Variants in PDE4B observed in about 807,000 individuals in gnomAD.
PDE4B encodes 3',5'-cyclic-AMP phosphodiesterase 4B.
Under a neutral mutation model 82.2 loss-of-function variants are expected in PDE4B, and 20 were observed. The ratio of observed to expected loss-of-function variants is 0.24; its 90% CI spans 0.17 to 0.35. PDE4B has a LOEUF of 0.35. Among genes scored for constraint, PDE4B ranks in the 10% least tolerant of loss-of-function variants. The probability of loss-of-function intolerance (pLI) is 1.00; values close to 1 mark genes in which losing one functional copy is unlikely to be tolerated. For synonymous variants in PDE4B, 320 were observed against 318.9 expected, an observed-to-expected ratio of 1.00 and a Z score of -0.04; for missense variants, 655 against 907.2, an observed-to-expected ratio of 0.72 and a Z score of 3.57.
chr1:65,834,339 G>T (rs935325108), intron 1 of PDE4B, among the ~76,000 whole-genome samples: 1 of 152,164 alleles, frequency 6.6e-6, no homozygotes, highest in African/African-American at 2.4e-5. Flanking sequence ...GCCTAAGCAA[G>T]TTTCTTTAAG....
intron 3 of PDE4B, among the ~76,000 whole-genome samples, chr1:66,164,206 A>ACTCTTATGTTCATCTCTTAT (rs1646673481): frequency 6.6e-6 from 1 of 152,088 alleles, no homozygotes; most frequent in South Asian, 2.1e-4. Flanking sequence ...CCCCAACCCA[A>ACTCTTATGTTCATCTCTTAT]GAAATTACTA....
intron 1 of PDE4B, among the ~76,000 whole-genome samples, chr1:65,853,979 A>G (rs1228397842): frequency 6.6e-6 from 1 of 152,126 alleles, no homozygotes; most frequent in Non-Finnish European, 1.5e-5. Flanking sequence ...CATCCTTTGG[A>G]AAATAAATAA....
At chr1:66,288,455 A>C (rs1656840366) in intron 7 of PDE4B, among the ~76,000 whole-genome samples, 1 of 152,162 alleles carries the variant, frequency 6.6e-6, no homozygotes. Context: ...GATTAAATGA[A>C]TATTTGTATA....
At chr1:66,101,778 A>C (rs1394368991) in intron 3 of PDE4B, among the ~76,000 whole-genome samples, 2 of 152,028 alleles carry the variant, frequency 1.3e-5, no homozygotes, top group Non-Finnish European at 2.9e-5. Flanking sequence ...CCCATTCTGT[A>C]GGTTGCCTGT....
At chr1:66,199,422 T>C (rs1381136496) in intron 3 of PDE4B, among the ~76,000 whole-genome samples, 1 of 152,234 alleles carries the variant, frequency 6.6e-6, no homozygotes, top group Non-Finnish European at 1.5e-5. Context: ...TTGAGAAGTG[T>C]CTGTTCATAT....
intron 3 of PDE4B, among the ~76,000 whole-genome samples, chr1:66,122,703 C>CT (rs3036785): frequency 0.56 from 62,239 of 111,802 alleles, 16,871 homozygotes; most frequent in Middle Eastern, 0.64. Context: ...CTCTTCTTTT[C>CT]TTTTTTTTTT....
At chr1:65,969,006 T>G (rs1165814527) in intron 3 of PDE4B, among the ~76,000 whole-genome samples, 2 of 152,178 alleles carry the variant, frequency 1.3e-5, no homozygotes, top group Non-Finnish European at 2.9e-5. Flanking sequence ...TCTAATAGTT[T>G]GTAGAAAATA....
intron 1 of PDE4B, among the ~76,000 whole-genome samples, chr1:65,849,855 A>G (rs1646310320): frequency 6.6e-6 from 1 of 152,188 alleles, no homozygotes; most frequent in Non-Finnish European, 1.5e-5. Flanking sequence ...AAGAATAAAT[A>G]TAGGATTCAG....
At chr1:66,095,078 A>G (rs1175086550) in intron 3 of PDE4B, among the ~76,000 whole-genome samples, 1 of 151,888 alleles carries the variant, frequency 6.6e-6, no homozygotes, top group Non-Finnish European at 1.5e-5. Flanking sequence ...ATGCCCTTAG[A>G]ATTTGAGTTC....
intron 3 of PDE4B, among the ~76,000 whole-genome samples, chr1:66,139,877 T>G (rs994680055): frequency 1.3e-5 from 2 of 152,164 alleles, no homozygotes; most frequent in Non-Finnish European, 2.9e-5. Flanking sequence ...ATATTTTTCA[T>G]CAGGCATCCC....
chr1:66,332,511 A>C lies in PDE4B; in HGVS notation c.638A>C (p.Glu213Ala). 6.2e-7 allele frequency: 1 copy of C among 1,614,152 alleles called. No individual in the cohort carries two copies. The highest frequency in any genetic ancestry group is 2.2e-5 in the East Asian group (1 of 44,888). The change falls in exon 8 of 17, where the codon GAA becomes GCA. Residue 213 changes from glutamate (E) to alanine (A), a missense_variant. Physicochemically the swap from Glu to Ala is moderately radical, Grantham distance 107. Around this residue, in one of 3 missense-constraint regions of PDE4B, gnomAD observed 253 missense variants for 275.6 expected, o/e 0.92. Coordinates refer to ENST00000341517, the MANE Select transcript of PDE4B (RefSeq NM_002600.4). ...PPVSRVNPQE[E>A]SYQKLAMETL... Reference sequence around the variant, plus strand: ...ATGCCTGTGTGTTTGTTTGCAGAAGAATCTTATCAAAAATTAGCAATGGAA... The same window carrying C: ...ATGCCTGTGTGTTTGTTTGCAGAAGCATCTTATCAAAAATTAGCAATGGAA...
chr1:66,215,775 C>T (rs990224608), intron 3 of PDE4B, among the ~76,000 whole-genome samples: 7 of 152,144 alleles, frequency 4.6e-5, no homozygotes, highest in Non-Finnish European at 1.0e-4. Flanking sequence ...AAGTATATCT[C>T]TGCCTCCCCT....
chr1:66,305,999 A>C (rs184353400), intron 7 of PDE4B, among the ~76,000 whole-genome samples: 2 of 152,254 alleles, frequency 1.3e-5, no homozygotes, highest in East Asian at 3.9e-4. Context: ...AGGGAGATCC[A>C]GCATGGGAAT....
intron 3 of PDE4B, among the ~76,000 whole-genome samples, chr1:66,143,695 T>C (rs1646217081): frequency 6.6e-6 from 1 of 152,192 alleles, no homozygotes. Flanking sequence ...CTATGTAACA[T>C]AGTTTAGGCC....
chr1:66,008,167 A>G (rs1017204373), intron 3 of PDE4B, among the ~76,000 whole-genome samples: 1 of 152,176 alleles, frequency 6.6e-6, no homozygotes, highest in African/African-American at 2.4e-5. Context: ...CCATTAAACT[A>G]GAAGAATTAA....
At chr1:66,329,994 G>A (rs774628981) in intron 7 of PDE4B, among the ~76,000 whole-genome samples, 18 of 152,162 alleles carry the variant, frequency 1.2e-4, no homozygotes, top group Admixed American at 3.3e-4. Context: ...CCAGTCCTGC[G>A]CTGCTCTGGT....
chr1:65,876,018 A>G (rs927433536), intron 1 of PDE4B, among the ~76,000 whole-genome samples: 7 of 152,050 alleles, frequency 4.6e-5, no homozygotes, highest in African/African-American at 1.7e-4. Flanking sequence ...TCTTCATTCA[A>G]TTGCTTTATT....
intron 3 of PDE4B, among the ~76,000 whole-genome samples, chr1:66,098,788 T>A (rs1645164498): frequency 6.6e-6 from 1 of 152,154 alleles, no homozygotes; most frequent in South Asian, 2.1e-4. Context: ...ATTGGAGTAC[T>A]TTTCTTTAAC....
chr1:65,881,442 C>A (rs539897755), intron 1 of PDE4B, among the ~76,000 whole-genome samples: 126 of 152,294 alleles, frequency 8.3e-4, no homozygotes, highest in African/African-American at 2.9e-3. Flanking sequence ...GCCTGCCAGA[C>A]CTGCTTCCTG....
Sources: allele counts gnomAD v4.1 joint callset (sites outside exome capture counted in the v4.1 genomes callset), GRCh38; gene constraint gnomAD v4.1.1; regional missense constraint gnomAD v4.1.1; transcripts MANE v1.5; gene names NCBI Gene and HGNC (gene_info 2026-07-23, HGNC 2026-07-21).